Variants in CHL1 observed in about 807,000 individuals in gnomAD.
CHL1 encodes cell adhesion molecule L1 like.
In CHL1, 96 loss-of-function variants were observed where a neutral mutation model predicts 141.9. That is an observed-to-expected ratio of 0.68 (90% CI 0.57 to 0.80). The LOEUF is 0.80. Ranked by LOEUF, CHL1 falls within the 30% of genes least tolerant of loss-of-function variation. The pLI is 0.00. For synonymous variants in CHL1, 613 were observed against 502.2 expected (o/e 1.22, Z -2.95); for missense variants, 1,820 against 1,457.2 (o/e 1.25, Z -4.05).
In CHL1 at chr3:356,094, C is replaced by T. The variant is rs142373300; in HGVS notation, c.1165+1323C>T. Among the ~76,000 whole-genome samples, 460 of 152,228 alleles carry T rather than the reference C, an allele frequency of 3.0e-3. 1 individual carries two copies. The highest frequency in any genetic ancestry group is 0.01 in the African/African-American group (426 of 41,534). On this transcript the variant is annotated intron_variant, in intron 11 of 27. Transcript: ENST00000256509. The stretch of plus-strand genomic sequence containing the variant: ...TTTCCCATAACAGACACTCAGGAAA[C>T]CTTAGTCCTCATTATTAACTATCTT...
intron 2 of CHL1, among the ~76,000 whole-genome samples, chr3:316,471 G>GT (rs1232751830): frequency 5.3e-5 from 8 of 151,268 alleles, no homozygotes; most frequent in South Asian, 2.1e-4. Context: ...TGGCAGGGAT[G>GT]TTTTTTTTCC....
chr3:376,801 G>A (rs1706383447), intron 15 of CHL1, among the ~76,000 whole-genome samples: 1 of 152,246 alleles, frequency 6.6e-6, no homozygotes. Context: ...GTTTTATTAT[G>A]TCTAGAATTA....
intron 5 of CHL1, among the ~76,000 whole-genome samples, chr3:331,877 A>G (rs1575087816): frequency 6.6e-6 from 1 of 152,204 alleles, no homozygotes; most frequent in Admixed American, 6.5e-5. Context: ...CCCTAGTGAT[A>G]AAAGCATTTG....
At chr3:205,686 A>G (rs1201473794) in intron 1 of CHL1, among the ~76,000 whole-genome samples, 1 of 152,060 alleles carries the variant, frequency 6.6e-6, no homozygotes, top group Non-Finnish European at 1.5e-5. Flanking sequence ...TGTGGGTCCT[A>G]TGAGGCATTG....
At position 408,838 on chromosome 3, in the gene CHL1, G is replaced by A. The variant is rs1278087192; in HGVS notation, c.*3127G>A. The A allele has an allele frequency of 1.3e-5, 2 of 151,858 alleles. No homozygotes were observed. Among genetic ancestry groups the A allele is most frequent in the Non-Finnish European group, 2.9e-5 (2 of 67,942 alleles). The allele number at this position is 151,858 out of a possible 1,614,324, so 9.4% of individuals were successfully genotyped here. On this transcript the variant is annotated 3_prime_UTR_variant, in exon 28 of 28. Transcript: ENST00000256509. ...GTGAATTTGGTGGTTTTATTCTATCGGTATAAAGGCATTGATATTTTAGAT... is the reference window on the plus strand; with the variant it reads ...GTGAATTTGGTGGTTTTATTCTATCAGTATAAAGGCATTGATATTTTAGAT...
intron 2 of CHL1, among the ~76,000 whole-genome samples, chr3:297,728 G>T (rs1482153070): frequency 6.6e-6 from 1 of 152,174 alleles, no homozygotes; most frequent in Non-Finnish European, 1.5e-5. Context: ...TGTATCCCAT[G>T]GAGATGATCT....
chr3:349,854 A>C (rs1265210285), intron 10 of CHL1, among the ~76,000 whole-genome samples: 1 of 152,244 alleles, frequency 6.6e-6, no homozygotes, highest in African/African-American at 2.4e-5. Flanking sequence ...ACACATATAC[A>C]TTTCATAATA....
At chr3:250,434 G>T (rs1309758319) in intron 2 of CHL1, among the ~76,000 whole-genome samples, 1 of 152,124 alleles carries the variant, frequency 6.6e-6, no homozygotes, top group Admixed American at 6.6e-5. Context: ...ATTGTGAGAA[G>T]TTAAGTATAT....
intron 15 of CHL1, among the ~76,000 whole-genome samples, chr3:372,531 C>T (rs62230375): frequency 9.4e-4 from 143 of 152,266 alleles, no homozygotes; most frequent in Non-Finnish European, 1.8e-3. Flanking sequence ...AGGTTCTTAG[C>T]TTCCTTGCAT....
At chr3:349,762 G>A (rs1398198119) in intron 10 of CHL1, among the ~76,000 whole-genome samples, 1 of 152,186 alleles carries the variant, frequency 6.6e-6, no homozygotes, top group Non-Finnish European at 1.5e-5. Flanking sequence ...AAGATCTCAT[G>A]TTAGGGATTA....
At chr3:222,808 T>C (rs1046625333) in intron 1 of CHL1, among the ~76,000 whole-genome samples, 1 of 152,176 alleles carries the variant, frequency 6.6e-6, no homozygotes, top group African/African-American at 2.4e-5. Flanking sequence ...CGCATATTGA[T>C]TTCTAAGGGA....
intron 11 of CHL1, among the ~76,000 whole-genome samples, chr3:356,539 T>C (rs9311030): frequency 0.073 from 11,099 of 152,210 alleles, 947 homozygotes; most frequent in African/African-American, 0.21. Flanking sequence ...TGCTATGGTG[T>C]GATAAAGCAG....
intron 2 of CHL1, among the ~76,000 whole-genome samples, chr3:269,482 C>A (rs1476115831): frequency 6.6e-6 from 1 of 152,010 alleles, no homozygotes. Context: ...CCTTTCAGCC[C>A]AGGTGGGGTA....
rs1702468187 is a variant in CHL1 at position 343,085 on chromosome 3, C to A, written c.727+54C>A. The stretch of plus-strand genomic sequence containing the variant: ...ATTTGTGTATAGCTCATTGTCATCT[C>A]AGATTTTGAATTTTTTCTTTAATAT... On this transcript the variant is annotated intron_variant, in intron 8 of 27. Coordinates refer to ENST00000256509, the MANE Select transcript of CHL1 (RefSeq NM_006614.4). The A allele has an allele frequency of 1.9e-5, 27 of 1,414,876 alleles. 1 individual carries two copies. In the South Asian group the frequency reaches 3.3e-4, roughly 17 times the overall value. The allele number at this position is 1,414,876 out of a possible 1,614,324, so 87.6% of individuals were successfully genotyped here.
At chr3:358,562 A>G (rs2125246508) in intron 11 of CHL1, among the ~76,000 whole-genome samples, 1 of 152,316 alleles carries the variant, frequency 6.6e-6, no homozygotes, top group South Asian at 2.1e-4. Flanking sequence ...CCTTTCAGGA[A>G]TAAAGGTTAC....
chr3:208,551 G>A (rs1227374594), intron 1 of CHL1, among the ~76,000 whole-genome samples: 2 of 152,214 alleles, frequency 1.3e-5, no homozygotes, highest in East Asian at 3.8e-4. Context: ...TATGAAGGGA[G>A]TGGAAGGCTT....
rs370343942 is a variant in CHL1 at position 382,502 on chromosome 3, A to G, written c.2007A>G (p.Lys669=). The G allele has an allele frequency of 1.9e-6, 3 of 1,613,908 alleles. No individual in the cohort carries two copies. Among genetic ancestry groups the G allele is most frequent in the Admixed American group, 1.7e-5 (1 of 60,016 alleles). ...ATATTGTTGAATTTGAAGGAAACAA[A>G]GAAGAGCCTGGAAGGTGGGAGGAAC... is the stretch of plus-strand genomic sequence containing the variant. ...SEYIVEFEGN[K]EEPGRWEELT... Residue 669 remains lysine (K), a synonymous_variant, in exon 18 of 28, where the codon AAA becomes AAG. Coordinates refer to ENST00000256509, the MANE Select transcript of CHL1 (RefSeq NM_006614.4).
intron 2 of CHL1, among the ~76,000 whole-genome samples, chr3:295,543 G>A (rs140476429): frequency 1.0e-3 from 158 of 152,168 alleles, no homozygotes; most frequent in African/African-American, 3.5e-3. Context: ...AAAATGTTTC[G>A]TTCTTTGGAA....
chr3:219,073 C>T (rs1045868333), intron 1 of CHL1, among the ~76,000 whole-genome samples: 4 of 151,510 alleles, frequency 2.6e-5, no homozygotes, highest in Non-Finnish European at 5.9e-5. Context: ...GGCATGAACC[C>T]GGGAGGTGGA....
Sources: allele counts gnomAD v4.1 joint callset (sites outside exome capture counted in the v4.1 genomes callset), GRCh38; gene constraint gnomAD v4.1.1; transcripts MANE v1.5; gene names NCBI Gene and HGNC (gene_info 2026-07-23, HGNC 2026-07-21).